GIPC1: variants seen among roughly 807,000 people sequenced by gnomAD.
GIPC1 encodes the protein PDZ domain-containing protein GIPC1.
In GIPC1, 15 loss-of-function variants were observed where a neutral mutation model predicts 28.5. The ratio of observed to expected loss-of-function variants is 0.53; its 90% CI spans 0.35 to 0.81. The LOEUF is 0.81. GIPC1 is among the 30% of genes least tolerant of loss of function. GIPC1 has a pLI of 0.01. For missense variants in GIPC1, 439 were observed against 481.9 expected (o/e 0.91, Z 0.83); for synonymous variants, 224 against 206.1 (o/e 1.09, Z -0.74).
intron 2 of GIPC1, among the ~76,000 whole-genome samples, chr19:14,492,243 T>C (rs1159745635): frequency 6.6e-6 from 1 of 152,130 alleles, no homozygotes; most frequent in Non-Finnish European, 1.5e-5. Context: ...ATGCATGTGC[T>C]TGGAACAGTC....
intron 4 of GIPC1, among the ~76,000 whole-genome samples, chr19:14,481,375 C>G (rs1018357982): frequency 1.3e-5 from 2 of 152,168 alleles, no homozygotes; most frequent in African/African-American, 2.4e-5. Flanking sequence ...TCCCAAGTAG[C>G]TGGGACTATA....
chr19:14,492,284 G>A lies in GIPC1; in HGVS notation c.-118-541C>T, dbSNP rs541752733. Among the ~76,000 whole-genome samples the A allele has an allele frequency of 2.0e-5, 3 of 152,022 alleles. No homozygotes were observed. In the South Asian group the frequency reaches 6.2e-4, roughly 32 times the overall value. On this transcript the variant is annotated intron_variant, in intron 2 of 8. Transcript: ENST00000393033. Reference sequence around the variant, plus strand: ...ACACAATAAGGGTTGCATAAATATTGGTGACAATTACTGCTACTGCCATCT... The same window carrying A: ...ACACAATAAGGGTTGCATAAATATTAGTGACAATTACTGCTACTGCCATCT...
In GIPC1 at chr19:14,480,323, C is replaced by G. The variant is rs1228041899; in HGVS notation, c.637G>C (p.Glu213Gln). 1 of 1,611,180 alleles carries G rather than the reference C, an allele frequency of 6.2e-7. No individual in the cohort carries two copies. The highest frequency in any genetic ancestry group is 1.3e-5 in the African/African-American group (1 of 74,880). The change falls in exon 6 of 9, where the codon GAG (glutamate) becomes CAG (glutamine). Residue 213 changes from glutamate to glutamine, a missense_variant. Physicochemically the swap from Glu to Gln is conservative, Grantham distance 29. Transcript: ENST00000393033. ...TCCTCACCGAAGGCCTTGCGAGGCT[C>G]CGTGAGCTTCAGCGTGAAGGTACGG... ...RGRTFTLKLT[E>Q]PRKAFDMISQ...
At chr19:14,485,710 G>T (rs1175013544) in intron 3 of GIPC1, among the ~76,000 whole-genome samples, 1,920 of 32,560 alleles carry the variant, frequency 0.059, 21 homozygotes, top group South Asian at 0.11. Context: ...TATAGAGAGA[G>T]AGAGAGAGAG....
chr19:14,487,685 C>CTTTTTTTTTTTTTTTT (rs34048955), intron 3 of GIPC1, among the ~76,000 whole-genome samples: 9 of 130,452 alleles, frequency 6.9e-5, no homozygotes, highest in Admixed American at 1.5e-4. Flanking sequence ...CTTTATTTTC[C>CTTTTTTTTTTTTTTTT]TTTTTTTTTT....
chr19:14,486,652 T>TG (rs1302505252), intron 3 of GIPC1, among the ~76,000 whole-genome samples: 1 of 152,082 alleles, frequency 6.6e-6, no homozygotes. Flanking sequence ...CTAAGACTTT[T>TG]GGGGTTGTTT....
intron 3 of GIPC1, among the ~76,000 whole-genome samples, chr19:14,491,311 T>G (rs1376968886): frequency 6.6e-6 from 1 of 151,392 alleles, no homozygotes; most frequent in Non-Finnish European, 1.5e-5. Flanking sequence ...CAGGCTGGAG[T>G]GCAATGGCGC....
chr19:14,488,775 CAAAA>C (rs931925798), intron 3 of GIPC1, among the ~76,000 whole-genome samples: 1 of 82,384 alleles, frequency 1.2e-5, no homozygotes, highest in Non-Finnish European at 2.6e-5. Context: ...TCGGTCTAAA[CAAAA>C]AAAAAAAAAA....
At chr19:14,489,430 A>G in intron 3 of GIPC1, 1 of 856,782 alleles carries the variant, frequency 1.2e-6, no homozygotes, top group Non-Finnish European at 2.0e-6. Flanking sequence ...ATTTACGGAC[A>G]AGAAGTTTTC....
intron 6 of GIPC1, chr19:14,479,826 G>A: frequency 2.6e-6 from 1 of 387,982 alleles, no homozygotes. Flanking sequence ...ACCCCAGCCT[G>A]AGTCTCCAGC....
intron 3 of GIPC1, among the ~76,000 whole-genome samples, chr19:14,485,698 TATATAGAGAGAGAGAGAGAGAGAG>T (rs1461766446): frequency 1.2e-4 from 10 of 85,092 alleles, no homozygotes; most frequent in South Asian, 3.6e-4. Context: ...TATATATATA[TATATAGAGAGAGAGAGAGAGAGAG>T]AGAGAGAGAG....
intron 1 of GIPC1, among the ~76,000 whole-genome samples, chr19:14,495,803 A>T (rs1325791608): frequency 1.3e-5 from 2 of 151,924 alleles, no homozygotes; most frequent in African/African-American, 2.4e-5. Flanking sequence ...CAGAAACCCC[A>T]GCCCAGCGTT....
intron 1 of GIPC1, among the ~76,000 whole-genome samples, chr19:14,494,785 C>T (rs2072041790): frequency 6.6e-6 from 1 of 152,148 alleles, no homozygotes; most frequent in South Asian, 2.1e-4. Context: ...CTTTCCCTGG[C>T]TCCCCTCACA....
At chr19:14,495,776 G>A (rs2072062813) in intron 1 of GIPC1, among the ~76,000 whole-genome samples, 1 of 152,006 alleles carries the variant, frequency 6.6e-6, no homozygotes, top group Non-Finnish European at 1.5e-5. Flanking sequence ...GCCGGGGGAC[G>A]GGGGGAGGGG....
chr19:14,489,285 G>A (rs1249224305), intron 3 of GIPC1: 10 of 711,386 alleles, frequency 1.4e-5, no homozygotes, highest in Middle Eastern at 3.8e-4. Flanking sequence ...ATTGGCTAAC[G>A]AGGTCGATGA....
intron 3 of GIPC1, among the ~76,000 whole-genome samples, chr19:14,487,228 C>T (rs1003584574): frequency 4.1e-5 from 6 of 146,474 alleles, no homozygotes; most frequent in Non-Finnish European, 7.5e-5. Flanking sequence ...TCTTTTTTTT[C>T]TTTCTTTCTT....
At chr19:14,495,546 G>C (rs1397275649) in intron 1 of GIPC1, among the ~76,000 whole-genome samples, 1 of 152,136 alleles carries the variant, frequency 6.6e-6, no homozygotes, top group Admixed American at 6.5e-5. Context: ...GAGGTGTTTA[G>C]AGTCAATTAT....
At chr19:14,489,917 C>T (rs2071929654) in intron 3 of GIPC1, among the ~76,000 whole-genome samples, 2 of 150,396 alleles carry the variant, frequency 1.3e-5, no homozygotes, top group African/African-American at 4.9e-5. Flanking sequence ...GAAACTCATG[C>T]TAAAATTTGA....
At chr19:14,489,282 A>G in intron 3 of GIPC1, 1 of 703,652 alleles carries the variant, frequency 1.4e-6, no homozygotes, top group Non-Finnish European at 2.6e-6. Context: ...TCGATTGGCT[A>G]ACGAGGTCGA....
Sources: gnomAD v4.1 joint callset for allele counts (sites outside exome capture counted in the v4.1 genomes callset) on GRCh38, gnomAD v4.1.1 for gene constraint, MANE v1.5 for transcripts, NCBI Gene and HGNC (gene_info 2026-07-23, HGNC 2026-07-21) for gene names.